The following RALGPS2 variants were observed in gnomAD, a reference collection of about 807,000 sequenced individuals.
RALGPS2 encodes Ral GEF with PH domain and SH3 binding motif 2.
Under a neutral mutation model 86.8 loss-of-function variants are expected in RALGPS2, and 43 were observed. That is an observed-to-expected ratio of 0.50 (90% CI 0.39 to 0.64). RALGPS2 has a LOEUF of 0.64. Ranked by LOEUF, RALGPS2 falls within the 30% of genes least tolerant of loss-of-function variation. The probability of loss-of-function intolerance (pLI) is 0.00; values close to 1 mark genes in which losing one functional copy is unlikely to be tolerated. For missense variants in RALGPS2, 536 were observed against 694.6 expected (o/e 0.77, Z 2.57); for synonymous variants, 243 against 231.3 (o/e 1.05, Z -0.46).
At chr1:178,827,496 G>C (rs983948947) in intron 7 of RALGPS2, among the ~76,000 whole-genome samples, 2 of 147,748 alleles carry the variant, frequency 1.4e-5, no homozygotes, top group Admixed American at 6.8e-5. Flanking sequence ...CCGGGTTCAC[G>C]CCATTCTCCT....
intron 8 of RALGPS2, among the ~76,000 whole-genome samples, chr1:178,838,453 A>G (rs947169396): frequency 3.9e-5 from 6 of 152,238 alleles, no homozygotes; most frequent in Non-Finnish European, 8.8e-5. Flanking sequence ...ACAGACCTGC[A>G]GCTGCGGGTC....
intron 1 of RALGPS2, among the ~76,000 whole-genome samples, chr1:178,769,834 C>T (rs911624117): frequency 6.6e-6 from 1 of 152,094 alleles, no homozygotes; most frequent in Non-Finnish European, 1.5e-5. Context: ...TATTCCTTGG[C>T]CTGGGTTGCT....
intron 8 of RALGPS2, 146 bp downstream of exon 8, chr1:178,833,696 G>A: frequency 7.5e-7 from 1 of 1,330,420 alleles, no homozygotes; most frequent in Non-Finnish European, 9.6e-7. Flanking sequence ...AATGACTAAA[G>A]ATAGTTGTTA....
intron 8 of RALGPS2, among the ~76,000 whole-genome samples, chr1:178,873,765 A>G (rs570782860): frequency 1.5e-3 from 236 of 152,346 alleles, no homozygotes; most frequent in Non-Finnish European, 2.7e-3. Context: ...ATTATAAGGA[A>G]TTACAGCAGC....
At chr1:178,850,826 T>TG (rs1657122957) in intron 8 of RALGPS2, 1 of 209,404 alleles carries the variant, frequency 4.8e-6, no homozygotes, top group African/African-American at 2.3e-5. Flanking sequence ...TTATTTATGA[T>TG]TTAAAATATA....
chr1:178,824,699 C>T (rs1337738007), intron 7 of RALGPS2, among the ~76,000 whole-genome samples: 1 of 152,048 alleles, frequency 6.6e-6, no homozygotes, highest in Non-Finnish European at 1.5e-5. Flanking sequence ...GTCCCAGCTA[C>T]TCTGGAGGCT....
intron 4 of RALGPS2, among the ~76,000 whole-genome samples, chr1:178,791,763 C>G (rs1470149177): frequency 6.6e-6 from 1 of 152,056 alleles, no homozygotes; most frequent in Admixed American, 6.6e-5. Context: ...CGTGTTCTAC[C>G]TAAACTCGTT....
intron 16 of RALGPS2, chr1:178,894,265 T>C (rs1659843288): frequency 3.2e-6 from 1 of 313,400 alleles, no homozygotes; most frequent in Admixed American, 4.7e-5. Flanking sequence ...TGTTCATGTC[T>C]TCCATTCACA....
intron 1 of RALGPS2, among the ~76,000 whole-genome samples, chr1:178,727,464 G>T (rs1423854877): frequency 6.6e-6 from 1 of 152,186 alleles, no homozygotes; most frequent in African/African-American, 2.4e-5. Context: ...AGATTGCAAC[G>T]TAAGTTTGAA....
chr1:178,787,904 T>C (rs1038390162), intron 4 of RALGPS2, among the ~76,000 whole-genome samples: 1 of 152,220 alleles, frequency 6.6e-6, no homozygotes, highest in African/African-American at 2.4e-5. Context: ...TGGTAATCTT[T>C]TCAACATCTG....
chr1:178,843,891 C>T (rs1038100880), intron 8 of RALGPS2, among the ~76,000 whole-genome samples: 1 of 152,092 alleles, frequency 6.6e-6, no homozygotes, highest in Non-Finnish European at 1.5e-5. Context: ...TTTTATGACT[C>T]AGTTTAGTTC....
At chr1:178,733,662 G>C (rs1483144300) in intron 1 of RALGPS2, among the ~76,000 whole-genome samples, 1 of 152,186 alleles carries the variant, frequency 6.6e-6, no homozygotes, top group Non-Finnish European at 1.5e-5. Flanking sequence ...GGCAGCATTT[G>C]CCTAAAACTG....
intron 7 of RALGPS2, among the ~76,000 whole-genome samples, chr1:178,830,861 C>A (rs527502022): frequency 2.4e-4 from 37 of 151,840 alleles, no homozygotes; most frequent in Non-Finnish European, 4.7e-4. Context: ...TAGAATGTGT[C>A]CAACACAAGA....
At chr1:178,735,598 A>ATTTTTTTT (rs1250223641) in intron 1 of RALGPS2, among the ~76,000 whole-genome samples, 88 of 57,044 alleles carry the variant, frequency 1.5e-3, no homozygotes, top group African/African-American at 2.3e-3. Flanking sequence ...TAATTTTTGT[A>ATTTTTTTT]TTCTTTTTTT....
chr1:178,895,524 GGC>G (rs1659903286), intron 16 of RALGPS2, among the ~76,000 whole-genome samples: 1 of 152,050 alleles, frequency 6.6e-6, no homozygotes, highest in African/African-American at 2.4e-5. Flanking sequence ...ATGCCACCAT[GGC>G]AAAACATTTG....
intron 8 of RALGPS2, 128 bp from the exon 9 acceptor site, chr1:178,877,370 A>G: frequency 7.3e-7 from 1 of 1,366,128 alleles, no homozygotes; most frequent in African/African-American, 1.5e-5. Flanking sequence ...TCAGTGTATT[A>G]ATAGCAATAT....
intron 18 of RALGPS2, among the ~76,000 whole-genome samples, chr1:178,906,215 A>G (rs1558180994): frequency 6.6e-6 from 1 of 152,288 alleles, no homozygotes; most frequent in East Asian, 1.9e-4. Flanking sequence ...TCTACTAAAA[A>G]TACAAAAAAC....
chr1:178,899,653 G>GTTTTTTTTTTTTTTTTTTTTT (rs57623890), intron 17 of RALGPS2, among the ~76,000 whole-genome samples: 1 of 140,558 alleles, frequency 7.1e-6, no homozygotes, highest in African/African-American at 2.6e-5. Flanking sequence ...TTTGGTTTTG[G>GTTTTTTTTTTTTTTTTTTTTT]TTTTTTTTTT....
At chr1:178,867,697 T>A (rs1480930958) in intron 8 of RALGPS2, among the ~76,000 whole-genome samples, 1 of 152,066 alleles carries the variant, frequency 6.6e-6, no homozygotes, top group Non-Finnish European at 1.5e-5. Flanking sequence ...TTGGTAGAAT[T>A]TGTGTCCACG....
Sources: gnomAD v4.1 joint callset for allele counts (sites outside exome capture counted in the v4.1 genomes callset) on GRCh38, gnomAD v4.1.1 for gene constraint, MANE v1.5 for transcripts, NCBI Gene and HGNC (gene_info 2026-07-23, HGNC 2026-07-21) for gene names.